AFF1: variants seen among roughly 807,000 people sequenced by gnomAD.
AFF1 encodes the protein AF4/FMR2 family member 1.
In AFF1, 48 loss-of-function variants were observed where a neutral mutation model predicts 121.7. That is an observed-to-expected ratio of 0.39 (90% confidence interval 0.31 to 0.50). The LOEUF is 0.50. Ranked by LOEUF, AFF1 falls within the 20% of genes least tolerant of loss-of-function variation. The probability of loss-of-function intolerance (pLI) is 0.76; values close to 1 mark genes in which losing one functional copy is unlikely to be tolerated. For synonymous variants in AFF1, 613 were observed against 563.0 expected (o/e 1.09, Z -1.26); for missense variants, 1,523 against 1,511.7 (o/e 1.01, Z -0.12).
chr4:87,031,502 C>T (rs1729085818), intron 2 of AFF1, among the ~76,000 whole-genome samples: 1 of 151,610 alleles, frequency 6.6e-6, no homozygotes, highest in South Asian at 2.1e-4. Flanking sequence ...TGTGGAATCC[C>T]TCACCTTTTT....
At chr4:87,123,269 G>T (rs1269053667) in intron 12 of AFF1, among the ~76,000 whole-genome samples, 3 of 152,116 alleles carry the variant, frequency 2.0e-5, no homozygotes, top group African/African-American at 7.2e-5. Context: ...ATGTAAGTCT[G>T]TTATACATCA....
intron 11 of AFF1, among the ~76,000 whole-genome samples, chr4:87,113,152 A>T (rs780252038): frequency 3.6e-4 from 55 of 152,230 alleles, no homozygotes; most frequent in Non-Finnish European, 5.9e-4. Context: ...AGTTAAGGTA[A>T]CGAGCCAGGA....
intron 13 of AFF1, 173 bp downstream of exon 13, chr4:87,125,316 G>T: frequency 2.4e-6 from 1 of 413,972 alleles, no homozygotes; most frequent in Non-Finnish European, 4.3e-6. Context: ...GACCTTACAG[G>T]AATTAACAAT....
chr4:86,948,678 GGGT>G, intron 2 of AFF1, 107 bp downstream of exon 2: 1 of 1,031,942 alleles, frequency 9.7e-7, no homozygotes, highest in Non-Finnish European at 1.4e-6. Context: ...AAGAACTCAC[GGGT>G]GCAAGAAAAT....
chr4:87,132,119 G>A, intron 18 of AFF1, 152 bp from the exon 19 acceptor site: 1 of 886,374 alleles, frequency 1.1e-6, no homozygotes, highest in East Asian at 2.8e-5. Flanking sequence ...ATTTACTTTT[G>A]GGATAGTATG....
At chr4:87,058,811 C>G (rs1320291135) in intron 4 of AFF1, among the ~76,000 whole-genome samples, 1 of 152,120 alleles carries the variant, frequency 6.6e-6, no homozygotes, top group Non-Finnish European at 1.5e-5. Flanking sequence ...TCCTCCCCTC[C>G]CCTCTACTTG....
In AFF1 at chr4:87,054,004, G is replaced by A. The variant is rs199900086; in HGVS notation, c.1059+6410G>A. On this transcript the variant is annotated intron_variant, in intron 4 of 20. Transcript: ENST00000395146. Reference sequence around the variant, plus strand: ...AGCAGTGTCAGTATTCCAGGAAGAAGGAATAGCATGTGCCACTGGCTTATG... The same window carrying A: ...AGCAGTGTCAGTATTCCAGGAAGAAAGAATAGCATGTGCCACTGGCTTATG... 2.6e-5 allele frequency among the ~76,000 whole-genome samples: 4 copies of A among 152,312 alleles called. No individual in the cohort carries two copies. In the East Asian group the frequency reaches 7.7e-4, roughly 29 times the overall value.
chr4:87,116,831 GGTGT>G (rs70957208), intron 12 of AFF1, among the ~76,000 whole-genome samples: 1 of 151,062 alleles, frequency 6.6e-6, no homozygotes. Context: ...GATGGGGTGG[GGTGT>G]GTGTGTGTGT....
intron 2 of AFF1, among the ~76,000 whole-genome samples, chr4:87,012,503 G>T (rs1398327880): frequency 6.6e-6 from 1 of 152,070 alleles, no homozygotes; most frequent in African/African-American, 2.4e-5. Context: ...GATATAGAGT[G>T]AGTACATAAC....
intron 2 of AFF1, among the ~76,000 whole-genome samples, chr4:87,001,292 C>T (rs1725703587): frequency 1.4e-5 from 2 of 139,018 alleles, no homozygotes; most frequent in Non-Finnish European, 3.0e-5. Flanking sequence ...TCTCGGCTCA[C>T]TGCAACCTCC....
At chr4:87,036,126 C>T (rs1052083583) in intron 2 of AFF1, among the ~76,000 whole-genome samples, 18 of 152,130 alleles carry the variant, frequency 1.2e-4, no homozygotes, top group Admixed American at 1.1e-3. Flanking sequence ...CTGTGCTCAC[C>T]AGGGGCCTTT....
At chr4:86,947,918 T>C (rs1265944206) in intron 1 of AFF1, among the ~76,000 whole-genome samples, 3 of 152,150 alleles carry the variant, frequency 2.0e-5, no homozygotes, top group Non-Finnish European at 4.4e-5. Flanking sequence ...TGCATTCTTA[T>C]GTGAGAATGA....
At position 87,125,076 on chromosome 4, in the gene AFF1, C is replaced by A. The variant is rs1273702680; in HGVS notation, c.2506C>A (p.Leu836Met). ...ERDCDNKKIR[L>M]EKEIKSQSSS... Reference sequence around the variant, plus strand: ...AGACTGTGATAACAAGAAAATCAGACTGGAGAAGGAAATCAAATCACAGTC... The same window carrying A: ...AGACTGTGATAACAAGAAAATCAGAATGGAGAAGGAAATCAAATCACAGTC... Residue 836 changes from leucine to methionine, a missense_variant, in exon 13 of 21, where the codon CTG (leucine) becomes ATG (methionine). By Grantham distance (15) the Leu-to-Met change is conservative. Around this residue, in one of 5 missense-constraint regions of AFF1, gnomAD observed 905 missense variants for 842.5 expected, o/e 1.07. Coordinates refer to ENST00000395146, the MANE Select transcript of AFF1 (RefSeq NM_001166693.3). The A allele has an allele frequency of 6.8e-6, 11 of 1,609,278 alleles. No homozygotes were observed. Among genetic ancestry groups the A allele is most frequent in the Non-Finnish European group, 9.3e-6 (11 of 1,177,486 alleles).
intron 2 of AFF1, among the ~76,000 whole-genome samples, chr4:86,956,874 T>C (rs1194769987): frequency 1.3e-5 from 2 of 152,242 alleles, no homozygotes; most frequent in Non-Finnish European, 2.9e-5. Context: ...GTTCCACATA[T>C]GTTTTTATTT....
chr4:87,060,621 C>T (rs1305846403), intron 4 of AFF1, among the ~76,000 whole-genome samples: 1 of 151,802 alleles, frequency 6.6e-6, no homozygotes, highest in Non-Finnish European at 1.5e-5. Context: ...GGTGGATCAC[C>T]TGAGGTCAGG....
chr4:87,098,209 C>T (rs2149730602), intron 8 of AFF1, among the ~76,000 whole-genome samples: 1 of 152,204 alleles, frequency 6.6e-6, no homozygotes, highest in East Asian at 1.9e-4. Flanking sequence ...TAGGGGGTAG[C>T]AACGTGGTAG....
intron 2 of AFF1, among the ~76,000 whole-genome samples, chr4:87,044,239 T>A (rs6531946): frequency 0.58 from 87,728 of 152,154 alleles, 27,993 homozygotes; most frequent in African/African-American, 0.88. Flanking sequence ...GATGATTTTT[T>A]AAAATAATTT....
rs567119561 is a variant in AFF1 at position 86,958,666 on chromosome 4, C to T, written c.38+10095C>T. 1.6e-4 allele frequency among the ~76,000 whole-genome samples: 25 copies of T among 151,954 alleles called. No individual in the cohort carries two copies. The South Asian group carries it at 3.3e-3, about 20-fold the overall frequency. On this transcript the variant is annotated intron_variant, in intron 2 of 20. Coordinates refer to ENST00000395146, the MANE Select transcript of AFF1 (RefSeq NM_001166693.3). ...CCAGGAGGCAGAGGTTGCAGTGAGC[C>T]GAGATTGTGCCACTGCACTCCAGCC... is the stretch of plus-strand genomic sequence containing the variant.
intron 4 of AFF1, among the ~76,000 whole-genome samples, chr4:87,083,861 CAT>C (rs1299729747): frequency 1.3e-5 from 2 of 152,164 alleles, no homozygotes; most frequent in African/African-American, 4.8e-5. Context: ...CTCCCTGGCT[CAT>C]GTGATCCTCC....
Sources: gnomAD v4.1 joint callset for allele counts (sites outside exome capture counted in the v4.1 genomes callset) on GRCh38, gnomAD v4.1.1 for gene constraint, gnomAD v4.1.1 regional missense constraint, MANE v1.5 for transcripts, NCBI Gene and HGNC (gene_info 2026-07-23, HGNC 2026-07-21) for gene names.